The following PTPN4 variants were observed in gnomAD, a reference collection of about 807,000 sequenced individuals.
PTPN4 encodes protein tyrosine phosphatase non-receptor type 4, also known as tyrosine-protein phosphatase non-receptor type 4.
A neutral mutation model predicts 135.5 loss-of-function variants in PTPN4; 49 were observed. The ratio of observed to expected loss-of-function variants is 0.36; its 90% CI spans 0.29 to 0.46. PTPN4 has a LOEUF of 0.46. Among genes scored for constraint, PTPN4 ranks in the 20% least tolerant of loss-of-function variants. The probability of loss-of-function intolerance (pLI) is 1.00; values close to 1 mark genes in which losing one functional copy is unlikely to be tolerated. For missense variants in PTPN4, 860 were observed against 1,101.0 expected, an observed-to-expected ratio of 0.78 and a Z score of 3.10; for synonymous variants, 333 against 369.9, an observed-to-expected ratio of 0.90 and a Z score of 1.14.
At chr2:119,843,407 C>G (rs1377986691) in intron 2 of PTPN4, among the ~76,000 whole-genome samples, 1 of 141,362 alleles carries the variant, frequency 7.1e-6, no homozygotes, top group Non-Finnish European at 1.5e-5. Context: ...ACAGACACGG[C>G]AACCATCCGA....
intron 3 of PTPN4, among the ~76,000 whole-genome samples, chr2:119,862,987 A>G (rs1400165732): frequency 1.3e-5 from 2 of 152,140 alleles, no homozygotes; most frequent in Non-Finnish European, 2.9e-5. Context: ...AGTCTGCACT[A>G]AAGTAAAATT....
intron 3 of PTPN4, among the ~76,000 whole-genome samples, chr2:119,864,485 C>G (rs987088489): frequency 6.6e-6 from 1 of 152,064 alleles, no homozygotes; most frequent in Non-Finnish European, 1.5e-5. Context: ...ATTCTTAGCT[C>G]TTGCTGACCC....
intron 13 of PTPN4, among the ~76,000 whole-genome samples, chr2:119,932,111 G>C (rs1678915320): frequency 6.6e-6 from 1 of 152,124 alleles, no homozygotes; most frequent in South Asian, 2.1e-4. Context: ...TAACATCTGA[G>C]AAAACATTTG....
intron 3 of PTPN4, among the ~76,000 whole-genome samples, chr2:119,870,417 A>G (rs1207956214): frequency 2.0e-5 from 3 of 152,210 alleles, no homozygotes; most frequent in African/African-American, 7.2e-5. Flanking sequence ...GCACTATTTC[A>G]GTTTCATTGG....
At chr2:119,792,044 G>GGT (rs1691159001) in intron 1 of PTPN4, among the ~76,000 whole-genome samples, 1 of 151,976 alleles carries the variant, frequency 6.6e-6, no homozygotes, top group Non-Finnish European at 1.5e-5. Flanking sequence ...CAGTTAACTT[G>GGT]TTTTCAAGTT....
chr2:119,823,462 T>A (rs1016948826), intron 2 of PTPN4, among the ~76,000 whole-genome samples: 5 of 152,198 alleles, frequency 3.3e-5, no homozygotes, highest in African/African-American at 7.2e-5. Context: ...CTCCATCTCC[T>A]GACCTCGTGA....
intron 11 of PTPN4, among the ~76,000 whole-genome samples, chr2:119,918,468 G>C (rs1166342084): frequency 6.6e-6 from 1 of 152,204 alleles, no homozygotes; most frequent in African/African-American, 2.4e-5. Flanking sequence ...ATATATGCCA[G>C]TGAATTGAAC....
chr2:119,903,971 C>T (rs968064310), intron 10 of PTPN4, among the ~76,000 whole-genome samples: 1 of 152,318 alleles, frequency 6.6e-6, no homozygotes, highest in African/African-American at 2.4e-5. Flanking sequence ...AAAGCCAAAG[C>T]ACCCTATCCA....
At chr2:119,960,373 A>G (rs914396790) in intron 22 of PTPN4, among the ~76,000 whole-genome samples, 8 of 152,218 alleles carry the variant, frequency 5.3e-5, no homozygotes, top group African/African-American at 1.9e-4. Flanking sequence ...AACCAATGGC[A>G]GAATTTTTGT....
chr2:119,808,129 G>T (rs947108508), intron 1 of PTPN4, among the ~76,000 whole-genome samples: 9 of 152,122 alleles, frequency 5.9e-5, no homozygotes, highest in African/African-American at 1.9e-4. Flanking sequence ...ATACTGAATG[G>T]GCAAAAGCTG....
chr2:119,841,160 G>T (rs975211360), intron 2 of PTPN4, among the ~76,000 whole-genome samples: 1 of 150,772 alleles, frequency 6.6e-6, no homozygotes, highest in Non-Finnish European at 1.5e-5. Context: ...TATTTTAACC[G>T]CCCACCAGAT....
At chr2:119,784,099 C>A (rs1690998504) in intron 1 of PTPN4, among the ~76,000 whole-genome samples, 1 of 152,068 alleles carries the variant, frequency 6.6e-6, no homozygotes, top group Non-Finnish European at 1.5e-5. Flanking sequence ...GGGAAGCATC[C>A]TGAGAGTGAG....
rs762587666 is a variant in PTPN4, at chr2:119,877,443, AACT to A, written c.290-17_290-15del. Reference sequence around the variant, plus strand: ...GGATTAATATAGTCTGATTAATTAGAACTACTTTTATTAATTCTAGGAGGATCT... The same window carrying A: ...GGATTAATATAGTCTGATTAATTAGAACTTTTATTAATTCTAGGAGGATCT... On this transcript the variant is annotated intron_variant, in intron 4 of 26. Transcript: ENST00000263708. The A allele has an allele frequency of 1.9e-6, 3 of 1,605,412 alleles. No homozygotes were observed. The highest frequency in any genetic ancestry group is 2.5e-6 in the Non-Finnish European group (3 of 1,177,254).
chr2:119,805,330 A>G (rs1016276688), intron 1 of PTPN4, among the ~76,000 whole-genome samples: 1 of 152,010 alleles, frequency 6.6e-6, no homozygotes, highest in Non-Finnish European at 1.5e-5. Context: ...TGTTTTTGCC[A>G]TTGCTTTTGG....
intron 10 of PTPN4, 83 bp from the exon 11 acceptor site, chr2:119,915,095 TA>T: frequency 1.7e-6 from 2 of 1,162,576 alleles, no homozygotes; most frequent in Non-Finnish European, 2.3e-6. Context: ...TATTACTAAA[TA>T]TACACTTAAA....
At chr2:119,842,647 G>A (rs1574363521) in intron 2 of PTPN4, among the ~76,000 whole-genome samples, 1 of 151,994 alleles carries the variant, frequency 6.6e-6, no homozygotes, top group Admixed American at 6.6e-5. Flanking sequence ...GTTTTGTTTC[G>A]TTTTTTTCTT....
intron 12 of PTPN4, among the ~76,000 whole-genome samples, chr2:119,924,651 A>G (rs1478737624): frequency 6.6e-6 from 1 of 152,170 alleles, no homozygotes; most frequent in East Asian, 1.9e-4. Context: ...TGTAATGATA[A>G]TACTAAATCC....
chr2:119,864,717 A>T (rs977765702), intron 3 of PTPN4, among the ~76,000 whole-genome samples: 1 of 152,216 alleles, frequency 6.6e-6, no homozygotes, highest in African/African-American at 2.4e-5. Context: ...AAGACATATC[A>T]TATACAAAAA....
intron 2 of PTPN4, among the ~76,000 whole-genome samples, chr2:119,825,255 C>T (rs375722150): frequency 1.3e-5 from 2 of 151,976 alleles, no homozygotes; most frequent in East Asian, 1.9e-4. Flanking sequence ...TTAATATTAC[C>T]GTAATTTTAC....
Sources: gnomAD v4.1 joint callset for allele counts (sites outside exome capture counted in the v4.1 genomes callset) on GRCh38, gnomAD v4.1.1 for gene constraint, MANE v1.5 for transcripts, NCBI Gene and HGNC (gene_info 2026-07-23, HGNC 2026-07-21) for gene names.